KIAA0040: variants seen among roughly 807,000 people sequenced by gnomAD.
KIAA0040 encodes the protein KIAA0040.
In KIAA0040, 10 loss-of-function variants were observed where a neutral mutation model predicts 7.2. The observed-to-expected ratio is 1.38, with a 90% CI of 0.85 to 2.34. KIAA0040 has a LOEUF of 2.34. KIAA0040 is among the 30% of genes most tolerant of loss of function. The pLI is 0.00. For synonymous variants in KIAA0040, 49 were observed against 40.1 expected (o/e 1.22, Z -0.84); for missense variants, 89 against 108.2 (o/e 0.82, Z 0.79).
At chr1:175,184,761 G>C (rs1677588852) in intron 1 of KIAA0040, among the ~76,000 whole-genome samples, 1 of 152,206 alleles carries the variant, frequency 6.6e-6, no homozygotes, top group African/African-American at 2.4e-5. Flanking sequence ...GAAAATAAGA[G>C]ACTTAGATTT....
At chr1:175,188,950 G>A (rs776704772) in intron 1 of KIAA0040, among the ~76,000 whole-genome samples, 4 of 152,150 alleles carry the variant, frequency 2.6e-5, no homozygotes, top group Non-Finnish European at 4.4e-5. Flanking sequence ...GGATAGTATT[G>A]GGTATTCCTG....
rs547339006 is a variant in KIAA0040, at chr1:175,158,832, T to C, written c.*1882A>G. 7.9e-5 allele frequency: 12 copies of C among 152,240 alleles called. No individual in the cohort carries two copies. The highest frequency in any genetic ancestry group is 2.9e-4 in the African/African-American group (12 of 41,526). 9.4% of individuals were successfully genotyped at this position (152,240 alleles called of 1,614,324 possible). ...ATAAAATATATGCAGGTTTAAATTA[T>C]GATTCACAGGGTCATCTGTTAGAAA... On this transcript the variant is annotated 3_prime_UTR_variant, in exon 4 of 4. Transcript: ENST00000423313.
At chr1:175,180,846 T>C (rs1677413385) in intron 1 of KIAA0040, among the ~76,000 whole-genome samples, 1 of 152,180 alleles carries the variant, frequency 6.6e-6, no homozygotes, top group South Asian at 2.1e-4. Flanking sequence ...TTCTTGGTGT[T>C]CTTGATTTTT....
chr1:175,174,777 C>T (rs939844629), intron 2 of KIAA0040, among the ~76,000 whole-genome samples: 2 of 148,310 alleles, frequency 1.3e-5, no homozygotes, highest in African/African-American at 5.0e-5. Flanking sequence ...ATACCACTTA[C>T]ACTTCTATTC....
At chr1:175,191,157 A>G (rs756115463) in intron 1 of KIAA0040, among the ~76,000 whole-genome samples, 4 of 152,182 alleles carry the variant, frequency 2.6e-5, no homozygotes, top group Non-Finnish European at 5.9e-5. Context: ...AACAGAAACC[A>G]TCTCATTATC....
chr1:175,173,359 T>G (rs1266185045), intron 2 of KIAA0040, among the ~76,000 whole-genome samples: 1 of 152,194 alleles, frequency 6.6e-6, no homozygotes, highest in African/African-American at 2.4e-5. Context: ...AAGCCATCAT[T>G]TGCTGAGTTC....
chr1:175,174,432 C>G (rs1249098843), intron 2 of KIAA0040, among the ~76,000 whole-genome samples: 3 of 152,194 alleles, frequency 2.0e-5, no homozygotes, highest in Non-Finnish European at 4.4e-5. Context: ...TTCAGTTGTC[C>G]TCCAGGCCTT....
chr1:175,176,756 C>T (rs2101896839), intron 2 of KIAA0040, among the ~76,000 whole-genome samples: 1 of 120,280 alleles, frequency 8.3e-6, no homozygotes, highest in Middle Eastern at 6.8e-3. Context: ...TCATCATGTG[C>T]AGTTTTAGTT....
intron 1 of KIAA0040, among the ~76,000 whole-genome samples, chr1:175,181,471 C>G (rs961253286): frequency 6.6e-6 from 1 of 152,220 alleles, no homozygotes; most frequent in Admixed American, 6.5e-5. Context: ...TGAAGAACTT[C>G]TCTCTCTTCT....
intron 2 of KIAA0040, among the ~76,000 whole-genome samples, chr1:175,174,478 C>G (rs543689422): frequency 6.6e-6 from 1 of 152,306 alleles, no homozygotes; most frequent in South Asian, 2.1e-4. Context: ...TTTCTGAGCC[C>G]TTTCCTCATC....
chr1:175,182,530 C>T (rs17303319), intron 1 of KIAA0040, among the ~76,000 whole-genome samples: 9,298 of 152,204 alleles, frequency 0.061, 373 homozygotes, highest in Middle Eastern at 0.096. Flanking sequence ...TAGATCGGTC[C>T]GTGGTCAGAG....
chr1:175,177,000 C>T (rs1241563398), intron 2 of KIAA0040, among the ~76,000 whole-genome samples: 1 of 152,176 alleles, frequency 6.6e-6, no homozygotes, highest in Non-Finnish European at 1.5e-5. Flanking sequence ...GCCTCATCCC[C>T]TCATTCTTTC....
At chr1:175,178,395 A>C (rs1263816115) in intron 1 of KIAA0040, among the ~76,000 whole-genome samples, 1 of 152,216 alleles carries the variant, frequency 6.6e-6, no homozygotes, top group East Asian at 1.9e-4. Flanking sequence ...AGTCTCCCTT[A>C]GTTGTTTACT....
chr1:175,175,592 C>T (rs911138895), intron 2 of KIAA0040, among the ~76,000 whole-genome samples: 2 of 151,950 alleles, frequency 1.3e-5, no homozygotes, highest in African/African-American at 4.8e-5. Context: ...TTCATTGTGG[C>T]ACTATTCACA....
chr1:175,183,534 C>G (rs1019572380), intron 1 of KIAA0040, among the ~76,000 whole-genome samples: 3 of 152,170 alleles, frequency 2.0e-5, no homozygotes, highest in Admixed American at 6.5e-5. Flanking sequence ...GGACCAGGAC[C>G]CGGGCCTGGG....
chr1:175,166,281 C>T (rs1321686493), intron 3 of KIAA0040, among the ~76,000 whole-genome samples: 1 of 152,108 alleles, frequency 6.6e-6, no homozygotes, highest in African/African-American at 2.4e-5. Context: ...GCCCAGGATC[C>T]CAGGTGACAG....
At chr1:175,188,096 G>A (rs1677732569) in intron 1 of KIAA0040, among the ~76,000 whole-genome samples, 2 of 152,162 alleles carry the variant, frequency 1.3e-5, no homozygotes, top group African/African-American at 4.8e-5. Flanking sequence ...CAATGGTTAG[G>A]TTTTGTTTTA....
chr1:175,189,114 T>C (rs1455058243), intron 1 of KIAA0040, among the ~76,000 whole-genome samples: 2 of 152,228 alleles, frequency 1.3e-5, no homozygotes, highest in African/African-American at 4.8e-5. Flanking sequence ...TTGAAGTCTC[T>C]GAATCTGTGG....
chr1:175,178,639 C>G (rs770927897), intron 1 of KIAA0040, among the ~76,000 whole-genome samples: 5 of 152,126 alleles, frequency 3.3e-5, no homozygotes, highest in Non-Finnish European at 5.9e-5. Context: ...AAAAGAGTTT[C>G]TTCACGAACC....
Sources: gnomAD v4.1 joint callset for allele counts (sites outside exome capture counted in the v4.1 genomes callset) on GRCh38, gnomAD v4.1.1 for gene constraint, MANE v1.5 for transcripts, NCBI Gene and HGNC (gene_info 2026-07-23, HGNC 2026-07-21) for gene names.